NBAS: variants seen among roughly 807,000 people sequenced by gnomAD.
The protein encoded by NBAS is NBAS subunit of NRZ tethering complex.
Under a neutral mutation model 302.5 loss-of-function variants are expected in NBAS, and 219 were observed. That is an observed-to-expected ratio of 0.72 (90% CI 0.65 to 0.81). The LOEUF (loss-of-function observed/expected upper bound fraction) is 0.81, where lower values mean the gene tolerates loss of function less well. Ranked by LOEUF, NBAS falls within the 30% of genes least tolerant of loss-of-function variation. The probability of loss-of-function intolerance (pLI) is 0.00; values close to 1 mark genes in which losing one functional copy is unlikely to be tolerated. For synonymous variants in NBAS, 1,118 were observed against 1,021.6 expected, an observed-to-expected ratio of 1.09 and a Z score of -1.80; for missense variants, 2,932 against 2,841.6, an observed-to-expected ratio of 1.03 and a Z score of -0.72.
the NBAS span, among the ~76,000 whole-genome samples, chr2:15,160,337 G>T: frequency 6.6e-6 from 1 of 152,188 alleles, no homozygotes; most frequent in Non-Finnish European, 1.5e-5. Context: ...ACATACTGGG[G>T]TGGCAGGCGA....
chr2:15,103,749 T>A, the NBAS span, among the ~76,000 whole-genome samples: 1 of 152,208 alleles, frequency 6.6e-6, no homozygotes, highest in Non-Finnish European at 1.5e-5. Context: ...TGGCACATAT[T>A]CAAGGACTGA....
chr2:15,479,115 A>G (rs1433384014), intron 12 of NBAS, among the ~76,000 whole-genome samples: 1 of 152,174 alleles, frequency 6.6e-6, no homozygotes, highest in Non-Finnish European at 1.5e-5. Flanking sequence ...CTTCAGAGCT[A>G]TTTCTTTCCA....
chr2:15,480,415 G>A (rs1245796470), intron 12 of NBAS, among the ~76,000 whole-genome samples: 1 of 149,126 alleles, frequency 6.7e-6, no homozygotes, highest in Non-Finnish European at 1.5e-5. Context: ...CAAAACTCAA[G>A]CACACAGAGA....
In NBAS at chr2:15,302,465, C is replaced by G. The variant is rs567135890; in HGVS notation, c.4797+5751G>C. Among the ~76,000 whole-genome samples the G allele has an allele frequency of 2.3e-3, 351 of 152,230 alleles. 3 individuals are homozygous for G. Among genetic ancestry groups the G allele is most frequent in the Non-Finnish European group, 3.8e-3 (260 of 68,008 alleles). ...TTCTGTTCCCACAGGATTAATGCTG[C>G]TTCCTCAAGCAATGACTCTGAACAG... On this transcript the variant is annotated intron_variant, in intron 40 of 51. Transcript: ENST00000281513.
rs79769402 is a variant in NBAS, at chr2:15,474,318, T to C, written c.1348A>G (p.Ile450Val). ...DGGFLSLECE[I>V]KLAPKRSRLE... is the part of the protein sequence containing the mutation. Reference sequence around the variant, plus strand: ...CGAGATCGTTTGGGGGCAAGTTTAATCTCACACTAAATTGAAAAAGGAGAT... The same window carrying C: ...CGAGATCGTTTGGGGGCAAGTTTAACCTCACACTAAATTGAAAAAGGAGAT... Residue 450 changes from isoleucine (I) to valine (V), a missense_variant, in exon 15 of 52, where the codon ATT (isoleucine) becomes GTT (valine). Coordinates refer to ENST00000281513, the MANE Select transcript of NBAS (RefSeq NM_015909.4). 5.4e-4 allele frequency: 870 copies of C among 1,612,210 alleles called. 7 individuals are homozygous for C. The African/African-American group carries it at 0.011, about 20-fold the overall frequency.
At chr2:15,119,452 T>C in the NBAS span, among the ~76,000 whole-genome samples, 23 of 151,982 alleles carry the variant, frequency 1.5e-4, no homozygotes, top group African/African-American at 5.6e-4. Context: ...GGGATTCTCC[T>C]GCCTCAGTCT....
At chr2:15,534,090 T>C (rs1377585853) in intron 9 of NBAS, among the ~76,000 whole-genome samples, 1 of 152,134 alleles carries the variant, frequency 6.6e-6, no homozygotes, top group East Asian at 1.9e-4. Flanking sequence ...CACAGAAAAG[T>C]GGCATATGTG....
the NBAS span, among the ~76,000 whole-genome samples, chr2:14,918,433 A>T: frequency 6.6e-6 from 1 of 152,056 alleles, no homozygotes; most frequent in Admixed American, 6.5e-5. Context: ...TTTGGAAAGG[A>T]GATGTTTGGT....
chr2:15,239,099 T>A (rs577886067), intron 44 of NBAS, among the ~76,000 whole-genome samples: 202 of 152,172 alleles, frequency 1.3e-3, no homozygotes, highest in African/African-American at 4.6e-3. Flanking sequence ...TCAAAAGTAA[T>A]CTAATTGATA....
the NBAS span, among the ~76,000 whole-genome samples, chr2:15,123,703 C>T: frequency 3.3e-5 from 5 of 152,186 alleles, no homozygotes; most frequent in Admixed American, 1.3e-4. Flanking sequence ...TTGCCTTCTA[C>T]TATAATTGCA....
the NBAS span, among the ~76,000 whole-genome samples, chr2:14,855,759 A>G: frequency 6.6e-6 from 1 of 152,110 alleles, no homozygotes; most frequent in African/African-American, 2.4e-5. Flanking sequence ...GATACAATAG[A>G]ACACTAAGTA....
the NBAS span, among the ~76,000 whole-genome samples, chr2:14,904,355 C>A: frequency 6.6e-6 from 1 of 152,118 alleles, no homozygotes; most frequent in African/African-American, 2.4e-5. Context: ...ACCCAAGGCC[C>A]GAGAGCCCCT....
chr2:15,160,585 CGGGGGGA>C, the NBAS span, among the ~76,000 whole-genome samples: 11 of 92,288 alleles, frequency 1.2e-4, no homozygotes, highest in Admixed American at 1.1e-3. Flanking sequence ...CCAGTGTGGG[CGGGGGGA>C]GGGGGGGGGG....
At chr2:15,175,333 T>C (rs1400789646) in intron 51 of NBAS, among the ~76,000 whole-genome samples, 1 of 151,964 alleles carries the variant, frequency 6.6e-6, no homozygotes, top group Non-Finnish European at 1.5e-5. Flanking sequence ...ACCCCTGGGA[T>C]GAGGGGTTGC....
chr2:15,239,881 A>G (rs1330479041), intron 44 of NBAS, among the ~76,000 whole-genome samples: 1 of 152,136 alleles, frequency 6.6e-6, no homozygotes, highest in African/African-American at 2.4e-5. Flanking sequence ...TATCCTCAAG[A>G]ATGTGCAGGA....
chr2:15,100,690 T>A, the NBAS span, among the ~76,000 whole-genome samples: 15 of 152,162 alleles, frequency 9.9e-5, no homozygotes, highest in African/African-American at 2.4e-4. Flanking sequence ...GATATTTTTT[T>A]AAAAATAAAC....
chr2:15,488,948 G>A lies in NBAS; in HGVS notation c.1029C>T (p.Ser343=), dbSNP rs1161839733. 2.5e-6 allele frequency: 4 copies of A among 1,613,782 alleles called. No homozygotes were observed. Among genetic ancestry groups the A allele is most frequent in the African/African-American group, 1.3e-5 (1 of 74,902 alleles). Residue 343 remains serine (S), a synonymous_variant, in exon 12 of 52, where the codon AGC becomes AGT. Coordinates refer to ENST00000281513, the MANE Select transcript of NBAS (RefSeq NM_015909.4). ...LAAIHFSGKL[S]IWAIPSLKQQ... is the part of the protein sequence containing the mutation. ...GCTTCAGAGATGGAATCGCCCAGAT[G>A]CTCAGTTTCCCTGAGAAGTGAATGG...
the NBAS span, among the ~76,000 whole-genome samples, chr2:15,138,410 G>T: frequency 6.6e-6 from 1 of 152,176 alleles, no homozygotes; most frequent in Admixed American, 6.5e-5. Context: ...ATTTTAAGCA[G>T]AGAGGTCATG....
intron 26 of NBAS, among the ~76,000 whole-genome samples, chr2:15,397,024 T>C (rs145661033): frequency 7.9e-5 from 12 of 152,196 alleles, no homozygotes; most frequent in Middle Eastern, 3.2e-3. Flanking sequence ...ATCCATCACA[T>C]AGATAATCCC....
Sources: allele counts gnomAD v4.1 joint callset (sites outside exome capture counted in the v4.1 genomes callset), GRCh38; gene constraint gnomAD v4.1.1; transcripts MANE v1.5; gene names NCBI Gene and HGNC (gene_info 2026-07-23, HGNC 2026-07-21).